Variants in WIPF3 observed in about 807,000 individuals in gnomAD.
WIPF3 encodes the protein WAS/WASL interacting protein family member 3.
In WIPF3, 33 loss-of-function variants were observed where a neutral mutation model predicts 38.9. The observed-to-expected ratio is 0.85, with a 90% CI of 0.64 to 1.14. WIPF3 has a LOEUF of 1.14. WIPF3 is among the 50% of genes most tolerant of loss of function. WIPF3 has a pLI of 0.00. For missense variants in WIPF3, 711 were observed against 652.5 expected, an observed-to-expected ratio of 1.09 and a Z score of -0.98; for synonymous variants, 324 against 269.3, an observed-to-expected ratio of 1.20 and a Z score of -1.99.
rs547952619 is a variant in WIPF3 at position 29,910,527 on chromosome 7, A to G, written c.1429-3966A>G. ...ATGCAGAAATTCTCAATAAAATACT[A>G]GCAAATCAAATCCAGTAGTATATTA... On this transcript the variant is annotated intron_variant, in intron 8 of 8. Transcript: ENST00000242140. Among the ~76,000 whole-genome samples, 67 of 152,328 alleles carry G rather than the reference A, an allele frequency of 4.4e-4. 1 individual carries two copies. The South Asian group carries it at 0.013, about 29-fold the overall frequency.
intron 7 of WIPF3, among the ~76,000 whole-genome samples, chr7:29,902,842 C>T (rs1335959711): frequency 7.3e-6 from 1 of 137,728 alleles, no homozygotes; most frequent in African/African-American, 2.5e-5. Context: ...TCAAAACAAA[C>T]AAACAAAAAA....
chr7:29,826,726 C>T (rs1765565092), intron 1 of WIPF3, among the ~76,000 whole-genome samples: 1 of 152,136 alleles, frequency 6.6e-6, no homozygotes, highest in African/African-American at 2.4e-5. Flanking sequence ...AATAAACTTA[C>T]TTGACTGAAA....
rs115100051 is a variant in WIPF3 at position 29,816,746 on chromosome 7, C to T, written c.-58+10068C>T. On this transcript the variant is annotated intron_variant, in intron 1 of 8. Transcript: ENST00000242140. ...TCTTTGTGACAGCTACCTAGTGTGT[C>T]AGTATAATGTATGAACCATAATTTA... 9.0e-3 allele frequency among the ~76,000 whole-genome samples: 1,372 copies of T among 152,252 alleles called. 17 individuals are homozygous for T. Among genetic ancestry groups the T allele is most frequent in the African/African-American group, 0.023 (968 of 41,520 alleles).
intron 1 of WIPF3, among the ~76,000 whole-genome samples, chr7:29,819,287 C>T (rs1369004044): frequency 6.6e-6 from 1 of 151,808 alleles, no homozygotes; most frequent in Non-Finnish European, 1.5e-5. Flanking sequence ...TTGTCTGTTT[C>T]AATTCAAGTT....
At chr7:29,835,098 T>A (rs1255110933) in intron 2 of WIPF3, among the ~76,000 whole-genome samples, 1 of 151,930 alleles carries the variant, frequency 6.6e-6, no homozygotes, top group Non-Finnish European at 1.5e-5. Context: ...CTCGCGAGTC[T>A]GAGTGACTTT....
intron 2 of WIPF3, among the ~76,000 whole-genome samples, chr7:29,838,625 C>T (rs1784857938): frequency 6.6e-6 from 1 of 152,090 alleles, no homozygotes; most frequent in African/African-American, 2.4e-5. Context: ...GTGATGGAAA[C>T]TCTCATACAC....
intron 8 of WIPF3, among the ~76,000 whole-genome samples, chr7:29,912,878 G>C (rs1786530095): frequency 6.6e-6 from 1 of 152,190 alleles, no homozygotes; most frequent in Non-Finnish European, 1.5e-5. Flanking sequence ...AGTAGAAACA[G>C]CAAGTAGACT....
chr7:29,836,627 G>A (rs538993315), intron 2 of WIPF3, among the ~76,000 whole-genome samples: 29 of 152,276 alleles, frequency 1.9e-4, no homozygotes, highest in Non-Finnish European at 3.4e-4. Flanking sequence ...AATGGCTTAC[G>A]AGAACTAAAT....
chr7:29,826,103 C>T (rs1189344683), intron 1 of WIPF3, among the ~76,000 whole-genome samples: 1 of 152,134 alleles, frequency 6.6e-6, no homozygotes. Flanking sequence ...TCAGCAAAGG[C>T]CACAACTTCT....
At chr7:29,814,701 T>G (rs1223564341) in intron 1 of WIPF3, among the ~76,000 whole-genome samples, 1 of 152,220 alleles carries the variant, frequency 6.6e-6, no homozygotes, top group Non-Finnish European at 1.5e-5. Context: ...AAGAGTTGTT[T>G]TGGGGGATGA....
intron 2 of WIPF3, among the ~76,000 whole-genome samples, chr7:29,872,877 C>T (rs1219837175): frequency 6.7e-6 from 1 of 148,664 alleles, no homozygotes; most frequent in Non-Finnish European, 1.5e-5. Context: ...TCATCAGGGC[C>T]GACACTGGAG....
chr7:29,890,556 G>T (rs1156838240), intron 7 of WIPF3, among the ~76,000 whole-genome samples: 1 of 152,166 alleles, frequency 6.6e-6, no homozygotes, highest in Non-Finnish European at 1.5e-5. Context: ...AGTGTCCAGG[G>T]TTAGCCTAAG....
intron 7 of WIPF3, among the ~76,000 whole-genome samples, chr7:29,903,820 C>T (rs1275383947): frequency 6.6e-6 from 1 of 152,066 alleles, no homozygotes. Context: ...TTTCCATTAT[C>T]TCCTTTATTT....
chr7:29,824,556 A>G (rs1028896115), intron 1 of WIPF3, among the ~76,000 whole-genome samples: 1 of 148,564 alleles, frequency 6.7e-6, no homozygotes, highest in Non-Finnish European at 1.5e-5. Flanking sequence ...TTTTTAAAAA[A>G]AAAAAAAAGA....
At chr7:29,885,857 AC>A (rs1785865281) in intron 5 of WIPF3, among the ~76,000 whole-genome samples, 1 of 151,956 alleles carries the variant, frequency 6.6e-6, no homozygotes, top group Admixed American at 6.6e-5. Flanking sequence ...TAATAACATC[AC>A]CCAGAGATGA....
chr7:29,841,698 G>C (rs1466982890), intron 2 of WIPF3, among the ~76,000 whole-genome samples: 1 of 152,158 alleles, frequency 6.6e-6, no homozygotes, highest in African/African-American at 2.4e-5. Context: ...TGTAATCCCA[G>C]CTACTTAGGA....
intron 2 of WIPF3, among the ~76,000 whole-genome samples, chr7:29,861,303 A>G (rs1170598114): frequency 1.3e-5 from 2 of 152,164 alleles, no homozygotes; most frequent in Admixed American, 1.3e-4. Flanking sequence ...TTACTTGCAA[A>G]TCATGATATG....
intron 2 of WIPF3, 102 bp from the exon 3 acceptor site, chr7:29,875,728 C>T (rs770272564): frequency 7.4e-5 from 109 of 1,482,502 alleles, no homozygotes; most frequent in Middle Eastern, 1.8e-4. Context: ...GGGAGTGGGA[C>T]GGGGAAGACA....
chr7:29,829,232 A>G (rs1201375311), intron 1 of WIPF3, among the ~76,000 whole-genome samples: 22 of 66,180 alleles, frequency 3.3e-4, no homozygotes, highest in African/African-American at 1.3e-3. Context: ...TTTTTTTTTG[A>G]GACAGAGTCT....
Sources: gnomAD v4.1 joint callset for allele counts (sites outside exome capture counted in the v4.1 genomes callset) on GRCh38, gnomAD v4.1.1 for gene constraint, MANE v1.5 for transcripts, NCBI Gene and HGNC (gene_info 2026-07-23, HGNC 2026-07-21) for gene names.